The following CENPK variants were observed in gnomAD, a reference collection of about 807,000 sequenced individuals.
CENPK encodes the protein centromere protein K.
In CENPK, 46 loss-of-function variants were observed where a neutral mutation model predicts 40.9. That is an observed-to-expected ratio of 1.13 (90% CI 0.89 to 1.44). The LOEUF (loss-of-function observed/expected upper bound fraction) is 1.44, where lower values mean the gene tolerates loss of function less well. Among genes scored for constraint, CENPK ranks in the 40% most tolerant of loss-of-function variants. The pLI, the probability that CENPK is intolerant of heterozygous loss-of-function variation, is 0.00. For missense variants in CENPK, 288 were observed against 303.5 expected, an observed-to-expected ratio of 0.95 and a Z score of 0.38; for synonymous variants, 107 against 104.4, an observed-to-expected ratio of 1.02 and a Z score of -0.15.
intron 6 of CENPK, among the ~76,000 whole-genome samples, chr5:65,538,013 C>T (rs751190073): frequency 2.6e-5 from 4 of 152,102 alleles, no homozygotes; most frequent in Non-Finnish European, 4.4e-5. Context: ...AAATAGTATA[C>T]CATTTTACAT....
intron 5 of CENPK, 60 bp downstream of exon 5, chr5:65,551,504 T>C: frequency 1.1e-6 from 1 of 919,072 alleles, no homozygotes; most frequent in Admixed American, 2.8e-5. Flanking sequence ...CCTACAATTA[T>C]TAAATTAATT....
intron 9 of CENPK, among the ~76,000 whole-genome samples, chr5:65,525,996 G>A (rs1335742652): frequency 1.3e-5 from 2 of 152,090 alleles, no homozygotes; most frequent in Non-Finnish European, 1.5e-5. Flanking sequence ...CAGTATTGTT[G>A]GGGAGAGAGA....
chr5:65,547,868 G>A (rs1282197042), intron 5 of CENPK, among the ~76,000 whole-genome samples: 1 of 152,132 alleles, frequency 6.6e-6, no homozygotes, highest in Non-Finnish European at 1.5e-5. Flanking sequence ...GTTTCACCGT[G>A]TTAGCCAGGA....
At chr5:65,513,625 T>C (rs2150318865), downstream of CENPK, among the ~76,000 whole-genome samples, 1 of 152,344 alleles carries the variant, frequency 6.6e-6, no homozygotes, top group East Asian at 1.9e-4. Flanking sequence ...TCTAAGAAAG[T>C]AATTCAATGT....
At chr5:65,531,677 T>G (rs1467367396) in intron 6 of CENPK, among the ~76,000 whole-genome samples, 1 of 152,078 alleles carries the variant, frequency 6.6e-6, no homozygotes, top group Non-Finnish European at 1.5e-5. Context: ...CTAATTTTTG[T>G]ATTTTTAGTA....
At chr5:65,518,884 T>C (rs1743188477) in intron 10 of CENPK, among the ~76,000 whole-genome samples, 1 of 152,154 alleles carries the variant, frequency 6.6e-6, no homozygotes, top group Non-Finnish European at 1.5e-5. Flanking sequence ...GAATTTACAA[T>C]CCTCCCACTT....
At position 65,551,682 on chromosome 5, in the gene CENPK, C is replaced by T. The variant is rs752694593; in HGVS notation, c.169-46G>A. 1.3e-5 allele frequency: 13 copies of T among 1,026,040 alleles called. No individual in the cohort carries two copies. The African/African-American group carries it at 1.8e-4, about 14-fold the overall frequency. 63.6% of individuals were successfully genotyped at this position (1,026,040 alleles called of 1,614,324 possible). On this transcript the variant is annotated intron_variant, in intron 4 of 10. Coordinates refer to ENST00000396679, the MANE Select transcript of CENPK (RefSeq NM_022145.5). ...GTCATTTTCTGTGGACTATTCATAC[C>T]TATTCATAGATGAAAATATAAACAT...
intron 5 of CENPK, among the ~76,000 whole-genome samples, chr5:65,549,357 G>C (rs1273796574): frequency 2.0e-5 from 3 of 152,134 alleles, no homozygotes; most frequent in Non-Finnish European, 4.4e-5. Flanking sequence ...AAGGGCCCTA[G>C]GATTGCTGGA....
At chr5:65,555,205 T>C (rs1327573685) in intron 2 of CENPK, 1 of 196,382 alleles carries the variant, frequency 5.1e-6, no homozygotes, top group Non-Finnish European at 1.0e-5. Flanking sequence ...GCAAGGACAA[T>C]ATAATTTTAA....
the CENPK span, among the ~76,000 whole-genome samples, chr5:65,504,913 G>T: frequency 6.6e-6 from 1 of 152,002 alleles, no homozygotes; most frequent in Non-Finnish European, 1.5e-5. Context: ...AAGATTTTTA[G>T]TTTTTTATAT....
At chr5:65,530,304 GA>G (rs955406392) in intron 6 of CENPK, among the ~76,000 whole-genome samples, 11 of 146,940 alleles carry the variant, frequency 7.5e-5, no homozygotes, top group African/African-American at 1.2e-4. Flanking sequence ...GTGTCATAAA[GA>G]AAAAAAAAAT....
chr5:65,548,064 C>T (rs6880070), intron 5 of CENPK, among the ~76,000 whole-genome samples: 152,244 of 152,274 alleles, frequency 1, 76,107 homozygotes, highest in Non-Finnish European at 1. Context: ...GAAAACAGAG[C>T]GGGAGAAGAA....
At chr5:65,498,332 C>T in the CENPK span, among the ~76,000 whole-genome samples, 12 of 151,888 alleles carry the variant, frequency 7.9e-5, no homozygotes, top group South Asian at 2.1e-4. Flanking sequence ...GTTTTTTGTA[C>T]GTGATTGCTT....
the CENPK span, among the ~76,000 whole-genome samples, chr5:65,503,447 T>G: frequency 6.6e-6 from 1 of 152,112 alleles, no homozygotes; most frequent in Non-Finnish European, 1.5e-5. Context: ...ATTGTTGATT[T>G]TAGGAGAGCT....
At chr5:65,519,288 T>A (rs1376970007) in intron 10 of CENPK, among the ~76,000 whole-genome samples, 1 of 152,244 alleles carries the variant, frequency 6.6e-6, no homozygotes, top group African/African-American at 2.4e-5. Flanking sequence ...TTGGGAAAGC[T>A]AGCTAATGTG....
intron 6 of CENPK, among the ~76,000 whole-genome samples, chr5:65,539,864 C>T (rs1747645010): frequency 6.6e-6 from 1 of 152,258 alleles, no homozygotes; most frequent in Non-Finnish European, 1.5e-5. Flanking sequence ...GTGATCACTG[C>T]AGTCTCTGCC....
At chr5:65,513,328 T>C (rs997054257), downstream of CENPK, among the ~76,000 whole-genome samples, 4 of 152,204 alleles carry the variant, frequency 2.6e-5, no homozygotes, top group Non-Finnish European at 5.9e-5. Context: ...ATTTTGTCAA[T>C]ATCCACAAGT....
At chr5:65,514,240 TTTTTTTTTTTTTTTTTTTTTTAG>T (rs1362889401), downstream of CENPK, among the ~76,000 whole-genome samples, 47 of 11,678 alleles carry the variant, frequency 4.0e-3, no homozygotes, top group Admixed American at 0.026. Flanking sequence ...CTTTTTTTTT[TTTTTTTTTTTTTTTTTTTTTTAG>T]TTTTTTTTAG....
At chr5:65,545,057 AC>A (rs996289776) in intron 5 of CENPK, among the ~76,000 whole-genome samples, 31 of 152,170 alleles carry the variant, frequency 2.0e-4, no homozygotes, top group African/African-American at 7.2e-4. Flanking sequence ...TTTAAACTAA[AC>A]AAAACCTGAG....
Sources: gnomAD v4.1 joint callset for allele counts (sites outside exome capture counted in the v4.1 genomes callset) on GRCh38, gnomAD v4.1.1 for gene constraint, MANE v1.5 for transcripts, NCBI Gene and HGNC (gene_info 2026-07-23, HGNC 2026-07-21) for gene names.